Variants in TBXAS1 observed in about 807,000 individuals in gnomAD.
TBXAS1 encodes thromboxane-A synthase.
TBXAS1 carries 48 observed loss-of-function variants against 60.7 expected under a neutral mutation model. That is an observed-to-expected ratio of 0.79 (90% CI 0.63 to 1.01). TBXAS1 has a LOEUF of 1.01. TBXAS1 is among the 50% of genes least tolerant of loss of function. The probability of loss-of-function intolerance (pLI) is 0.00; values close to 1 mark genes in which losing one functional copy is unlikely to be tolerated. For synonymous variants in TBXAS1, 287 were observed against 269.7 expected (o/e 1.06, Z -0.63); for missense variants, 685 against 686.3 (o/e 1.00, Z 0.02).
At chr7:139,842,455 G>C (rs901319650) in intron 1 of TBXAS1, among the ~76,000 whole-genome samples, 2 of 152,192 alleles carry the variant, frequency 1.3e-5, no homozygotes, top group East Asian at 3.8e-4. Context: ...GCTTGCCACT[G>C]AAGGGAAGTA....
chr7:139,816,704 C>T (rs1345045729), intron 4 of TBXAS1, among the ~76,000 whole-genome samples: 5 of 152,192 alleles, frequency 3.3e-5, no homozygotes, highest in East Asian at 1.9e-4. Flanking sequence ...TTGTATTTAA[C>T]GAGTTCTGCA....
chr7:139,838,729 G>A (rs559979753), intron 1 of TBXAS1, among the ~76,000 whole-genome samples: 310 of 152,214 alleles, frequency 2.0e-3, no homozygotes, highest in African/African-American at 7.0e-3. Flanking sequence ...TCCCGAAACC[G>A]CGTTGGACAC....
chr7:139,993,122 G>A (rs193261907), intron 9 of TBXAS1, among the ~76,000 whole-genome samples: 89 of 152,308 alleles, frequency 5.8e-4, no homozygotes, highest in Admixed American at 5.2e-3. Flanking sequence ...GCTTGAACCC[G>A]GGAGGCAGAG....
intron 9 of TBXAS1, among the ~76,000 whole-genome samples, chr7:139,971,857 T>A (rs1267754553): frequency 1.3e-5 from 2 of 152,116 alleles, no homozygotes; most frequent in Non-Finnish European, 2.9e-5. Flanking sequence ...CTCCTTCCCC[T>A]CTTTCTTCCC....
At chr7:140,011,184 G>A (rs749886921) in intron 10 of TBXAS1, among the ~76,000 whole-genome samples, 31 of 152,040 alleles carry the variant, frequency 2.0e-4, no homozygotes, top group Non-Finnish European at 3.8e-4. Context: ...GGCTAAGGCA[G>A]GAGAATTGCT....
chr7:139,993,656 G>GT (rs1215949332), intron 9 of TBXAS1, among the ~76,000 whole-genome samples: 3 of 152,106 alleles, frequency 2.0e-5, no homozygotes, highest in African/African-American at 7.2e-5. Flanking sequence ...GGGATGCCTA[G>GT]TTTCTCCTCC....
At chr7:139,998,707 A>G (rs936703015) in intron 9 of TBXAS1, among the ~76,000 whole-genome samples, 2 of 152,260 alleles carry the variant, frequency 1.3e-5, no homozygotes, top group Non-Finnish European at 2.9e-5. Context: ...TGCAGACAGC[A>G]ATTTCTGCAG....
Position 139,848,139 on chromosome 7 carries a change from T to C in TBXAS1, c.89+18660T>C, listed in dbSNP as rs778414381. Among the ~76,000 whole-genome samples the C allele has an allele frequency of 2.5e-4, 21 of 84,564 alleles. No homozygotes were observed. The East Asian group carries it at 2.8e-3, about 11-fold the overall frequency. The allele number at this position is 84,564 out of a possible 152,430, so 55.5% of individuals were successfully genotyped here. A position where few individuals can be genotyped will look rare whatever the true frequency, so the allele number is the denominator to read the frequency against. On this transcript the variant is annotated intron_variant, in intron 1 of 12. Coordinates refer to ENST00000448866, the MANE Select transcript of TBXAS1 (RefSeq NM_001061.7). Reference sequence around the variant, plus strand: ...CCTGGCTAATTTTATGTTTTACTTATTTATTTATTTATTTATTTATTTATT... The same window carrying C: ...CCTGGCTAATTTTATGTTTTACTTACTTATTTATTTATTTATTTATTTATT...
chr7:139,812,734 G>A lies in TBXAS1; in HGVS notation c.-79-16578G>A, dbSNP rs1016901009. ...CGAGAAGTACCTGAGAGTTTCCTGC[G>A]AGAAATGAGCAGTCACTGTACCTCA... On this transcript the variant is annotated intron_variant, in intron 4 of 16. Transcript: ENST00000336425. Among the ~76,000 whole-genome samples, 7 of 152,076 alleles carry A rather than the reference G, an allele frequency of 4.6e-5. 1 individual carries two copies. The highest frequency in any genetic ancestry group is 1.9e-4 in the East Asian group (1 of 5,188).
chr7:139,811,041 AT>A (rs1416718244), intron 4 of TBXAS1, among the ~76,000 whole-genome samples: 1 of 152,372 alleles, frequency 6.6e-6, no homozygotes, highest in African/African-American at 2.4e-5. Flanking sequence ...ACACACACAC[AT>A]CAGACTGAAA....
intron 3 of TBXAS1, among the ~76,000 whole-genome samples, chr7:139,890,307 C>G (rs1173547227): frequency 7.1e-6 from 1 of 140,496 alleles, no homozygotes; most frequent in Non-Finnish European, 1.5e-5. Context: ...GCTCCGCCTT[C>G]CGGGTTCACA....
chr7:139,995,356 G>A (rs1017172871), intron 9 of TBXAS1, among the ~76,000 whole-genome samples: 2 of 152,150 alleles, frequency 1.3e-5, no homozygotes, highest in South Asian at 2.1e-4. Flanking sequence ...AGATGCACAC[G>A]AAGATGAGGG....
intron 5 of TBXAS1, among the ~76,000 whole-genome samples, chr7:139,937,194 T>TA (rs1414438269): frequency 6.6e-6 from 1 of 152,206 alleles, no homozygotes; most frequent in African/African-American, 2.4e-5. Context: ...GTGAAGGGGC[T>TA]AAGGGGCTTC....
Position 139,999,438 on chromosome 7 carries a change from C to T in TBXAS1, c.1135-7653C>T, listed in dbSNP as rs1021507604. Reference sequence around the variant, plus strand: ...ACTTGGGAGGCTGACGCATGAGACTCGCTTGAACCCGGGAGGTGGAGGTTG... The same window carrying T: ...ACTTGGGAGGCTGACGCATGAGACTTGCTTGAACCCGGGAGGTGGAGGTTG... On this transcript the variant is annotated intron_variant, in intron 9 of 12. Coordinates refer to ENST00000448866, the MANE Select transcript of TBXAS1 (RefSeq NM_001061.7). The surrounding 1 kb of genome is among the most constrained non-coding windows in gnomAD (Gnocchi z 4.3). Among the ~76,000 whole-genome samples the T allele has an allele frequency of 2.6e-5, 4 of 152,160 alleles. No homozygotes were observed. Among genetic ancestry groups the T allele is most frequent in the Admixed American group, 6.5e-5 (1 of 15,278 alleles).
chr7:139,886,801 C>T (rs1803148201), intron 3 of TBXAS1, among the ~76,000 whole-genome samples: 1 of 152,150 alleles, frequency 6.6e-6, no homozygotes, highest in African/African-American at 2.4e-5. Flanking sequence ...CAGCTTGAGA[C>T]TGATGATTGA....
At position 140,015,681 on chromosome 7, in the gene TBXAS1, A is replaced by G. The variant is rs755413417; in HGVS notation, c.1227-42A>G. 1.9e-5 allele frequency: 30 copies of G among 1,610,028 alleles called. 1 individual carries two copies. In the South Asian group the frequency reaches 3.2e-4, roughly 17 times the overall value. ...CAGCACGCCCCAAGCTCTGCTCCTC[A>G]TCTCTTCTCTGTATCCACCCCCGAC... On this transcript the variant is annotated intron_variant, in intron 10 of 12. Transcript: ENST00000448866.
chr7:139,805,716 C>T (rs199831731), intron 4 of TBXAS1, among the ~76,000 whole-genome samples: 1,066 of 86,150 alleles, frequency 0.012, 16 homozygotes, highest in East Asian at 0.041. Flanking sequence ...CTTTCTTTCT[C>T]TCTCTCTCTC....
intron 2 of TBXAS1, among the ~76,000 whole-genome samples, chr7:139,873,333 A>C (rs1801963304): frequency 6.6e-6 from 1 of 152,212 alleles, no homozygotes; most frequent in Non-Finnish European, 1.5e-5. Context: ...TTGTGTGTTA[A>C]CATTTTTGAG....
At chr7:139,879,642 A>AATATATATATTGAAT (rs1802531292) in intron 3 of TBXAS1, among the ~76,000 whole-genome samples, 1 of 152,098 alleles carries the variant, frequency 6.6e-6, no homozygotes, top group Non-Finnish European at 1.5e-5. Context: ...ATATATATTC[A>AATATATATATTGAAT]ATATATCCTG....
Sources: allele counts gnomAD v4.1 joint callset (sites outside exome capture counted in the v4.1 genomes callset), GRCh38; gene constraint gnomAD v4.1.1; non-coding constraint Gnocchi (gnomAD v3.1); transcripts MANE v1.5; gene names NCBI Gene and HGNC (gene_info 2026-07-23, HGNC 2026-07-21).